The following WDR43 variants were observed in gnomAD, a reference collection of about 807,000 sequenced individuals.
The protein encoded by WDR43 is WD repeat domain 43, also known as WD repeat-containing protein 43.
WDR43 carries 13 observed loss-of-function variants against 91.4 expected under a neutral mutation model. The ratio of observed to expected loss-of-function variants is 0.14; its 90% CI spans 0.09 to 0.23. The LOEUF (loss-of-function observed/expected upper bound fraction) is 0.23, where lower values mean the gene tolerates loss of function less well. Ranked by LOEUF, WDR43 falls within the 10% of genes least tolerant of loss-of-function variation. The probability of loss-of-function intolerance (pLI) is 1.00; values close to 1 mark genes in which losing one functional copy is unlikely to be tolerated. For missense variants in WDR43, 780 were observed against 809.4 expected, an observed-to-expected ratio of 0.96 and a Z score of 0.44; for synonymous variants, 331 against 287.9, an observed-to-expected ratio of 1.15 and a Z score of -1.51.
rs572498785 is a variant in WDR43, at chr2:28,923,986, C to T, written c.915-996C>T. 3.3e-5 allele frequency among the ~76,000 whole-genome samples: 5 copies of T among 152,152 alleles called. No individual in the cohort carries two copies. The South Asian group carries it at 1.0e-3, about 32-fold the overall frequency. On this transcript the variant is annotated intron_variant, in intron 7 of 17. Coordinates refer to ENST00000407426, the MANE Select transcript of WDR43 (RefSeq NM_015131.3). Reference sequence around the variant, plus strand: ...AAGGCTAAAGTAGAGACCCCAAATCCTGGGTTTAGAGATAGTTGTGGAGTC... The same window carrying T: ...AAGGCTAAAGTAGAGACCCCAAATCTTGGGTTTAGAGATAGTTGTGGAGTC...
intron 1 of WDR43, 32 bp downstream of exon 1, chr2:28,894,955 C>T (rs749510348): frequency 2.0e-6 from 3 of 1,494,486 alleles, no homozygotes; most frequent in East Asian, 2.7e-5. Context: ...GGGGCGGGCG[C>T]CTTCCCGGGC....
At chr2:28,919,764 C>G in intron 6 of WDR43, among the ~76,000 whole-genome samples, 1 of 152,214 alleles carries the variant, frequency 6.6e-6, no homozygotes, top group East Asian at 1.9e-4. Context: ...AGTGCCCTCA[C>G]TATTCTGATA....
At chr2:28,926,144 C>T (rs1167737236) in intron 8 of WDR43, among the ~76,000 whole-genome samples, 3 of 152,110 alleles carry the variant, frequency 2.0e-5, no homozygotes, top group Admixed American at 6.6e-5. Context: ...TGAACTGATA[C>T]GTTTTCTTTA....
In WDR43 at chr2:28,906,480, A is replaced by T; in HGVS notation, c.384A>T (p.Arg128Ser). 1 of 1,573,168 alleles carries T rather than the reference A, an allele frequency of 6.4e-7. No individual in the cohort carries two copies. Among genetic ancestry groups the T allele is most frequent in the Non-Finnish European group, 8.6e-7 (1 of 1,159,522 alleles). Residue 128 changes from arginine (R) to serine (S), a missense_variant, in exon 3 of 18, where the codon AGA becomes AGT. Transcript: ENST00000407426. Reference sequence around the variant, plus strand: ...TACAGAGTGGTGGACATGACAACAGAGTCAACTGCATACAGTGGCATCAAG... The same window carrying T: ...TACAGAGTGGTGGACATGACAACAGTGTCAACTGCATACAGTGGCATCAAG... ...SKLISGGHDN[R>S]VNCIQWHQDS...
In WDR43 at chr2:28,902,123, T is replaced by C; in HGVS notation, c.362T>C (p.Ile121Thr). 1 of 1,559,348 alleles carries C rather than the reference T, an allele frequency of 6.4e-7. No individual in the cohort carries two copies. Among genetic ancestry groups the C allele is most frequent in the Non-Finnish European group, 8.7e-7 (1 of 1,153,612 alleles). ...AAAGGAGAGTTACACAGTAAATTAA[T>C]AGTAAGTGTGTGTATATTTTATTTA... ...TVKGELHSKL[I>T]SGGHDNRVNC... The change falls in exon 2 of 18, where the codon ATA becomes ACA. Residue 121 changes from isoleucine to threonine, a missense_variant and splice_region_variant. Ile to Thr is a moderately conservative substitution (Grantham distance 89, BLOSUM62 -1). Around this residue, in one of 4 missense-constraint regions of WDR43, gnomAD observed 174 missense variants for 207.3 expected, o/e 0.84. Transcript: ENST00000407426.
chr2:28,927,767 TGTG>T, intron 10 of WDR43, 67 bp downstream of exon 10: 2 of 1,595,774 alleles, frequency 1.3e-6, no homozygotes, highest in Admixed American at 3.4e-5. Flanking sequence ...TTCTAACAAG[TGTG>T]TTGGATAGAG....
chr2:28,936,624 T>G lies in WDR43; in HGVS notation c.1525-298T>G, dbSNP rs568291644. ...CAGTTGTCACCCCAAAAAGAAATCC[T>G]TTATCTATTAGCAGTCACTCTCCAT... On this transcript the variant is annotated intron_variant, in intron 12 of 17. Coordinates refer to ENST00000407426, the MANE Select transcript of WDR43 (RefSeq NM_015131.3). Among the ~76,000 whole-genome samples, 3 of 152,290 alleles carry G rather than the reference T, an allele frequency of 2.0e-5. No individual in the cohort carries two copies. The East Asian group carries it at 5.8e-4, about 29-fold the overall frequency.
At chr2:28,912,148 T>C (rs1434906503) in intron 3 of WDR43, among the ~76,000 whole-genome samples, 1 of 152,208 alleles carries the variant, frequency 6.6e-6, no homozygotes, top group Non-Finnish European at 1.5e-5. Context: ...ATCGTTTGTG[T>C]TATTAAGGGA....
chr2:28,928,018 C>A, intron 10 of WDR43: 1 of 223,210 alleles, frequency 4.5e-6, no homozygotes, highest in Non-Finnish European at 9.0e-6. Flanking sequence ...TCGCATGTTG[C>A]TGAGTTCCAG....
At chr2:28,937,078 T>G in intron 13 of WDR43, 125 bp downstream of exon 13, 1 of 858,768 alleles carries the variant, frequency 1.2e-6, no homozygotes, top group South Asian at 1.8e-5. Context: ...GCCACCTCCC[T>G]TATTTTAAGT....
chr2:28,914,455 A>T (rs1670869695), intron 5 of WDR43, among the ~76,000 whole-genome samples: 1 of 152,208 alleles, frequency 6.6e-6, no homozygotes, highest in East Asian at 1.9e-4. Flanking sequence ...GTGGTTGGGC[A>T]ATTTAGAATA....
intron 8 of WDR43, 41 bp from the exon 9 acceptor site, chr2:28,926,427 C>G (rs1190048689): frequency 1.6e-6 from 2 of 1,286,258 alleles, no homozygotes; most frequent in East Asian, 2.8e-5. Flanking sequence ...TTTTTTTTTT[C>G]TTTCCTCTCA....
intron 1 of WDR43, 39 bp from the exon 2 acceptor site, chr2:28,901,948 G>A (rs1387061584): frequency 1.9e-6 from 3 of 1,542,708 alleles, no homozygotes; most frequent in Middle Eastern, 1.7e-4. Flanking sequence ...TTTAGTATTT[G>A]CAATACTAAA....
chr2:28,933,070 C>G (rs2148195491), intron 11 of WDR43, among the ~76,000 whole-genome samples: 1 of 152,218 alleles, frequency 6.6e-6, no homozygotes, highest in South Asian at 2.1e-4. Context: ...CCCAAATAAT[C>G]TATATATTTA....
At chr2:28,913,703 T>C (rs944424370) in intron 4 of WDR43, 1 of 526,600 alleles carries the variant, frequency 1.9e-6, no homozygotes, top group Non-Finnish European at 3.8e-6. Context: ...TTCGACTCAC[T>C]GAGAGTAAAA....
At chr2:28,943,709 T>C (rs939442823) in intron 16 of WDR43, among the ~76,000 whole-genome samples, 9 of 152,150 alleles carry the variant, frequency 5.9e-5, no homozygotes, top group African/African-American at 2.2e-4. Flanking sequence ...GTGGAGAAGA[T>C]AGCCTGCTCA....
intron 1 of WDR43, among the ~76,000 whole-genome samples, chr2:28,901,239 T>C (rs1670573575): frequency 6.6e-6 from 1 of 152,270 alleles, no homozygotes; most frequent in Non-Finnish European, 1.5e-5. Context: ...TACTCAGCAT[T>C]ATAAACTGAT....
intron 5 of WDR43, among the ~76,000 whole-genome samples, chr2:28,917,540 A>C (rs955058130): frequency 6.6e-6 from 1 of 152,340 alleles, no homozygotes; most frequent in East Asian, 1.9e-4. Flanking sequence ...GAAGAAAATC[A>C]TTGGAAGACT....
chr2:28,946,520 A>G (rs765649897), intron 17 of WDR43, 21 bp downstream of exon 17: 4 of 1,606,902 alleles, frequency 2.5e-6, no homozygotes, highest in Non-Finnish European at 1.7e-6. Flanking sequence ...TGTTCCCTGT[A>G]TATACATCGG....
Sources: gnomAD v4.1 joint callset for allele counts (sites outside exome capture counted in the v4.1 genomes callset) on GRCh38, gnomAD v4.1.1 for gene constraint, gnomAD v4.1.1 regional missense constraint, MANE v1.5 for transcripts, NCBI Gene and HGNC (gene_info 2026-07-23, HGNC 2026-07-21) for gene names.